The following DLG2 variants were observed in gnomAD, a reference collection of about 807,000 sequenced individuals.
DLG2 encodes disks large homolog 2.
Under a neutral mutation model 132.5 loss-of-function variants are expected in DLG2, and 45 were observed. The ratio of observed to expected loss-of-function variants is 0.34; its 90% CI spans 0.27 to 0.44. The LOEUF is 0.44. Among genes scored for constraint, DLG2 ranks in the 20% least tolerant of loss-of-function variants. The pLI is 1.00. For missense variants in DLG2, 1,045 were observed against 1,196.9 expected (o/e 0.87, Z 1.87); for synonymous variants, 424 against 419.6 (o/e 1.01, Z -0.13).
At chr11:83,810,869 G>T (rs1430463951) in intron 17 of DLG2, among the ~76,000 whole-genome samples, 1 of 152,070 alleles carries the variant, frequency 6.6e-6, no homozygotes, top group East Asian at 1.9e-4. Flanking sequence ...GAGGAGCTCA[G>T]TATATATAAG....
chr11:84,181,515 T>C (rs1251730545), intron 8 of DLG2, among the ~76,000 whole-genome samples: 1 of 152,086 alleles, frequency 6.6e-6, no homozygotes, highest in Non-Finnish European at 1.5e-5. Flanking sequence ...ATCCAAGTAG[T>C]AAATACATCA....
At position 83,707,091 on chromosome 11, in the gene DLG2, C is replaced by T. The variant is rs754046960; in HGVS notation, c.1826-73766G>A. On this transcript the variant is annotated intron_variant, in intron 18 of 27. Transcript: ENST00000376104. ...TATACTTTTATCTCTATTTCAAATA[C>T]GAGAAAATAGCTTTCTAGAACTAAG... is the stretch of plus-strand genomic sequence containing the variant. Among the ~76,000 whole-genome samples, 43 of 152,218 alleles carry T rather than the reference C, an allele frequency of 2.8e-4. 1 individual carries two copies. In the Middle Eastern group the frequency reaches 0.01, roughly 36 times the overall value.
intron 5 of DLG2, among the ~76,000 whole-genome samples, chr11:85,128,188 A>C (rs2075346191): frequency 6.6e-6 from 1 of 152,194 alleles, no homozygotes; most frequent in African/African-American, 2.4e-5. Flanking sequence ...TATAGCAGTA[A>C]CTTAACATAT....
chr11:85,403,303 C>T lies in DLG2; in HGVS notation c.41-117938G>A, dbSNP rs534390650. Among the ~76,000 whole-genome samples the T allele has an allele frequency of 7.9e-5, 12 of 151,958 alleles. No homozygotes were observed. In the South Asian group the frequency reaches 2.5e-3, roughly 32 times the overall value. On this transcript the variant is annotated intron_variant, in intron 3 of 27. Transcript: ENST00000376104. Reference sequence around the variant, plus strand: ...TGGAGTTGAACAACAAGAACGCATGCACACAGGGTCGGGTACATCAAACAT... The same window carrying T: ...TGGAGTTGAACAACAAGAACGCATGTACACAGGGTCGGGTACATCAAACAT...
At chr11:85,339,329 TA>T in intron 3 of DLG2, among the ~76,000 whole-genome samples, 1 of 152,310 alleles carries the variant, frequency 6.6e-6, no homozygotes, top group East Asian at 1.9e-4. Flanking sequence ...ATTTTCTGCA[TA>T]TATATTTTTG....
intron 17 of DLG2, among the ~76,000 whole-genome samples, chr11:83,808,175 T>A (rs1403391663): frequency 6.6e-6 from 1 of 152,174 alleles, no homozygotes; most frequent in East Asian, 1.9e-4. Context: ...GCTGTTTCCC[T>A]GTTTCTTTAG....
At chr11:84,610,798 G>T (rs927885375) in intron 6 of DLG2, among the ~76,000 whole-genome samples, 54 of 152,004 alleles carry the variant, frequency 3.6e-4, no homozygotes, top group Non-Finnish European at 2.6e-4. Flanking sequence ...TTCATTCCCA[G>T]ACCAGCATCC....
At chr11:83,471,868 C>T (rs1398951635) in intron 23 of DLG2, 141 bp from the exon 24 acceptor site, 1 of 657,778 alleles carries the variant, frequency 1.5e-6, no homozygotes, top group East Asian at 2.8e-5. Flanking sequence ...ACTCATACAG[C>T]CTTGCATAGG....
At chr11:83,722,646 A>T (rs1305791241) in intron 18 of DLG2, among the ~76,000 whole-genome samples, 1 of 152,222 alleles carries the variant, frequency 6.6e-6, no homozygotes, top group African/African-American at 2.4e-5. Context: ...GCCAACAGAA[A>T]GCAGAGACAC....
At chr11:85,485,724 C>T (rs1017260339) in intron 3 of DLG2, among the ~76,000 whole-genome samples, 3 of 152,168 alleles carry the variant, frequency 2.0e-5, no homozygotes, top group African/African-American at 7.2e-5. Flanking sequence ...CCTCTTGGCC[C>T]ACAGACCTTT....
chr11:84,021,360 A>C (rs2095387169), intron 11 of DLG2, among the ~76,000 whole-genome samples: 1 of 152,138 alleles, frequency 6.6e-6, no homozygotes, highest in Non-Finnish European at 1.5e-5. Context: ...AAAGAAAAAA[A>C]AAAATGATTT....
At chr11:85,470,525 C>T (rs893185229) in intron 3 of DLG2, among the ~76,000 whole-genome samples, 2 of 152,106 alleles carry the variant, frequency 1.3e-5, no homozygotes, top group African/African-American at 2.4e-5. Flanking sequence ...GAGTTCGAGA[C>T]CAGCCTGGCC....
At chr11:84,269,480 T>C (rs1312110361) in intron 7 of DLG2, among the ~76,000 whole-genome samples, 2 of 152,208 alleles carry the variant, frequency 1.3e-5, no homozygotes, top group Admixed American at 1.3e-4. Flanking sequence ...GCTTGCCCCT[T>C]CTCTGAATTC....
At chr11:84,380,668 GT>G (rs1257503907) in intron 7 of DLG2, among the ~76,000 whole-genome samples, 1 of 151,774 alleles carries the variant, frequency 6.6e-6, no homozygotes, top group Non-Finnish European at 1.5e-5. Flanking sequence ...AAAGTAAGAT[GT>G]TAGGGGGAAA....
intron 7 of DLG2, among the ~76,000 whole-genome samples, chr11:84,494,576 T>C (rs1206460187): frequency 1.3e-5 from 2 of 152,098 alleles, no homozygotes. Flanking sequence ...GGGCTGGTGA[T>C]CTGTGTGAGC....
chr11:84,727,099 A>G (rs1002226671), intron 6 of DLG2, among the ~76,000 whole-genome samples: 1 of 152,178 alleles, frequency 6.6e-6, no homozygotes, highest in African/African-American at 2.4e-5. Flanking sequence ...TCTTTAGATT[A>G]ATTAGATCCT....
chr11:84,085,698 C>G (rs949539728), intron 10 of DLG2, among the ~76,000 whole-genome samples: 1 of 152,148 alleles, frequency 6.6e-6, no homozygotes. Flanking sequence ...TAGATATAAA[C>G]CTACAAATAA....
intron 6 of DLG2, among the ~76,000 whole-genome samples, chr11:84,575,850 T>C (rs1460144126): frequency 6.6e-6 from 1 of 152,178 alleles, no homozygotes; most frequent in Non-Finnish European, 1.5e-5. Context: ...AATCCACATC[T>C]GGTATAGTAT....
Position 85,177,306 on chromosome 11 carries a change from C to CACAT in DLG2, c.187-22659_187-22656dup, listed in dbSNP as rs544262017. Reference sequence around the variant, plus strand: ...ACATATACACACACACACACACACACACATACATACATACCAGGGAATACT... The same window carrying CACAT: ...ACATATACACACACACACACACACACACATACATACATACATACCAGGGAATACT... On this transcript the variant is annotated intron_variant, in intron 4 of 27. Transcript: ENST00000376104. Among the ~76,000 whole-genome samples the CACAT allele has an allele frequency of 6.7e-3, 1,013 of 150,700 alleles. 8 individuals are homozygous for CACAT. Among genetic ancestry groups the CACAT allele is most frequent in the Non-Finnish European group, 0.01 (707 of 67,728 alleles).
Sources: allele counts gnomAD v4.1 joint callset (sites outside exome capture counted in the v4.1 genomes callset), GRCh38; gene constraint gnomAD v4.1.1; transcripts MANE v1.5; gene names NCBI Gene and HGNC (gene_info 2026-07-23, HGNC 2026-07-21).